Variants in FER observed in about 807,000 individuals in gnomAD.
FER encodes tyrosine-protein kinase Fer.
A neutral mutation model predicts 111.0 loss-of-function variants in FER; 63 were observed. The ratio of observed to expected loss-of-function variants is 0.57; its 90% confidence interval spans 0.46 to 0.70. The LOEUF (loss-of-function observed/expected upper bound fraction) is 0.70. Ranked by LOEUF, FER falls within the 30% of genes least tolerant of loss-of-function variation. The probability of loss-of-function intolerance (pLI) is 0.00; values close to 1 mark genes in which losing one functional copy is unlikely to be tolerated. For missense variants in FER, 914 were observed against 954.0 expected, an observed-to-expected ratio of 0.96 and a Z score of 0.55; for synonymous variants, 327 against 313.9, an observed-to-expected ratio of 1.04 and a Z score of -0.44.
At chr5:108,767,015 C>G (rs1213824919) in intron 1 of FER, among the ~76,000 whole-genome samples, 1 of 152,102 alleles carries the variant, frequency 6.6e-6, no homozygotes, top group Non-Finnish European at 1.5e-5. Context: ...GCCTATGAGG[C>G]AGAGGCCAGG....
chr5:109,100,011 A>G (rs1356620836), intron 16 of FER, among the ~76,000 whole-genome samples: 3 of 151,776 alleles, frequency 2.0e-5, no homozygotes, highest in African/African-American at 4.8e-5. Context: ...TACTTTTTAC[A>G]TACTCATATT....
intron 13 of FER, among the ~76,000 whole-genome samples, chr5:108,997,457 G>A (rs1764146939): frequency 6.6e-6 from 1 of 151,508 alleles, no homozygotes; most frequent in Non-Finnish European, 1.5e-5. Context: ...GAGACGATGG[G>A]GTTTTCCAAA....
intron 13 of FER, among the ~76,000 whole-genome samples, chr5:109,006,553 C>T (rs1041474780): frequency 6.6e-6 from 1 of 152,056 alleles, no homozygotes; most frequent in Admixed American, 6.6e-5. Flanking sequence ...TCTTTATTAG[C>T]AGTGTGAGAA....
chr5:109,091,081 A>G (rs1464212530), intron 16 of FER, among the ~76,000 whole-genome samples: 1 of 152,210 alleles, frequency 6.6e-6, no homozygotes, highest in Admixed American at 6.5e-5. Context: ...AAACCACTGA[A>G]GGTGTGGTTG....
intron 5 of FER, among the ~76,000 whole-genome samples, chr5:108,864,420 C>T (rs1276384660): frequency 1.3e-5 from 2 of 152,036 alleles, no homozygotes; most frequent in East Asian, 1.9e-4. Flanking sequence ...TTGCAAAAAC[C>T]CTCACCTTTT....
chr5:109,057,099 A>C (rs754446776), intron 16 of FER, among the ~76,000 whole-genome samples: 2 of 152,142 alleles, frequency 1.3e-5, no homozygotes, highest in Non-Finnish European at 1.5e-5. Context: ...GTTGTCTGCA[A>C]TTTCTCTAAG....
At chr5:108,878,700 C>A (rs988953266) in intron 8 of FER, among the ~76,000 whole-genome samples, 1 of 151,960 alleles carries the variant, frequency 6.6e-6, no homozygotes, top group Admixed American at 6.6e-5. Flanking sequence ...CTTACAAATA[C>A]AAAATTAAGT....
chr5:109,111,874 G>C (rs554014061), intron 17 of FER, among the ~76,000 whole-genome samples: 80 of 152,244 alleles, frequency 5.3e-4, no homozygotes, highest in African/African-American at 1.7e-3. Flanking sequence ...CATGAGATTA[G>C]GGTGGGGAAA....
At chr5:109,048,191 T>C (rs1267339975) in intron 16 of FER, among the ~76,000 whole-genome samples, 3 of 152,160 alleles carry the variant, frequency 2.0e-5, no homozygotes, top group African/African-American at 7.2e-5. Context: ...AATTAATTTT[T>C]CATGATTTAT....
At chr5:109,110,055 C>T (rs1349088524) in intron 17 of FER, among the ~76,000 whole-genome samples, 2 of 152,082 alleles carry the variant, frequency 1.3e-5, no homozygotes, top group African/African-American at 4.8e-5. Flanking sequence ...GTATCTCTGA[C>T]TCCACTCATA....
At chr5:108,949,266 A>G (rs952702635) in intron 11 of FER, among the ~76,000 whole-genome samples, 2 of 152,072 alleles carry the variant, frequency 1.3e-5, no homozygotes, top group East Asian at 1.9e-4. Flanking sequence ...GAGTCTAGAA[A>G]AGCGGCCTTG....
intron 16 of FER, among the ~76,000 whole-genome samples, chr5:109,074,558 A>G (rs1366710908): frequency 6.6e-6 from 1 of 152,176 alleles, no homozygotes; most frequent in Non-Finnish European, 1.5e-5. Flanking sequence ...AATTCCATAT[A>G]CTTGGAGTTC....
At chr5:108,845,063 T>C (rs1241802799) in intron 5 of FER, among the ~76,000 whole-genome samples, 789 of 60,790 alleles carry the variant, frequency 0.013, 21 homozygotes, top group African/African-American at 0.049. Context: ...TATATATATA[T>C]ATATACACAC....
chr5:109,147,069 G>A (rs1013639534), intron 17 of FER, among the ~76,000 whole-genome samples: 11 of 151,728 alleles, frequency 7.2e-5, no homozygotes, highest in African/African-American at 2.4e-4. Context: ...CAACTGAATG[G>A]AAAAATGGGT....
chr5:108,843,795 A>G (rs1214244734), intron 5 of FER, among the ~76,000 whole-genome samples: 22 of 151,964 alleles, frequency 1.4e-4, no homozygotes, highest in Admixed American at 1.4e-3. Context: ...CCAAAGTGCT[A>G]GGATTACAGG....
chr5:108,920,080 T>G (rs1451422153), intron 10 of FER, among the ~76,000 whole-genome samples: 7 of 152,124 alleles, frequency 4.6e-5, no homozygotes, highest in African/African-American at 1.7e-4. Context: ...TATAGATATT[T>G]TAGTTCTTTT....
intron 11 of FER, among the ~76,000 whole-genome samples, 170 bp downstream of exon 11, chr5:108,946,392 C>G (rs1402060657): frequency 6.6e-6 from 1 of 151,578 alleles, no homozygotes; most frequent in Non-Finnish European, 1.5e-5. Flanking sequence ...TTTTTGTGTG[C>G]ATATGAATCT....
intron 9 of FER, among the ~76,000 whole-genome samples, chr5:108,885,155 T>G (rs1234798909): frequency 1.2e-4 from 18 of 151,972 alleles, no homozygotes; most frequent in Admixed American, 1.1e-3. Flanking sequence ...TCAGATTTAT[T>G]TTCTGAACTC....
chr5:108,922,452 T>G (rs1192138713), intron 10 of FER, among the ~76,000 whole-genome samples: 1 of 152,132 alleles, frequency 6.6e-6, no homozygotes, highest in African/African-American at 2.4e-5. Context: ...TTAGCTTCTC[T>G]CTGTGCTAGA....
Sources: allele counts gnomAD v4.1 joint callset (sites outside exome capture counted in the v4.1 genomes callset), GRCh38; gene constraint gnomAD v4.1.1; transcripts MANE v1.5; gene names NCBI Gene and HGNC (gene_info 2026-07-23, HGNC 2026-07-21).